The following THSD7B variants were observed in gnomAD, a reference collection of about 807,000 sequenced individuals.
THSD7B encodes thrombospondin type-1 domain-containing protein 7B.
Under a neutral mutation model 213.6 loss-of-function variants are expected in THSD7B, and 138 were observed. That is an observed-to-expected ratio of 0.65 (90% CI 0.56 to 0.74). The LOEUF is 0.74. Among genes scored for constraint, THSD7B ranks in the 30% least tolerant of loss-of-function variants. THSD7B has a pLI of 0.00. For missense variants in THSD7B, 1,931 were observed against 1,991.5 expected (o/e 0.97, Z 0.58); for synonymous variants, 742 against 687.0 (o/e 1.08, Z -1.25).
intron 3 of THSD7B, among the ~76,000 whole-genome samples, chr2:137,060,741 A>C (rs543991685): frequency 6.6e-6 from 1 of 151,900 alleles, no homozygotes; most frequent in Non-Finnish European, 1.5e-5. Flanking sequence ...TTAGTAACAC[A>C]ATGTTTTGAG....
chr2:136,925,887 CTA>C (rs1684514045), intron 2 of THSD7B, among the ~76,000 whole-genome samples: 1 of 152,082 alleles, frequency 6.6e-6, no homozygotes, highest in Non-Finnish European at 1.5e-5. Context: ...GACATAATTT[CTA>C]TGTTTCTCTT....
chr2:137,210,553 C>T (rs10169117), intron 7 of THSD7B, among the ~76,000 whole-genome samples: 90,708 of 151,846 alleles, frequency 0.6, 27,504 homozygotes, highest in South Asian at 0.71. Context: ...CATTCAAGGA[C>T]AAATCTCTTT....
intron 7 of THSD7B, among the ~76,000 whole-genome samples, chr2:137,199,486 G>C (rs1434816193): frequency 6.6e-6 from 1 of 152,068 alleles, no homozygotes; most frequent in African/African-American, 2.4e-5. Flanking sequence ...GATTCACTTA[G>C]TTATTTACAC....
At chr2:137,365,357 A>T (rs940131943) in intron 12 of THSD7B, among the ~76,000 whole-genome samples, 16 of 152,222 alleles carry the variant, frequency 1.1e-4, no homozygotes, top group African/African-American at 3.9e-4. Context: ...CAAAACACCA[A>T]AAGCAATGGC....
chr2:137,468,938 T>C (rs1688043398), intron 15 of THSD7B, among the ~76,000 whole-genome samples: 1 of 152,190 alleles, frequency 6.6e-6, no homozygotes, highest in Admixed American at 6.6e-5. Context: ...TGGACCTTTT[T>C]ATTGACTACT....
intron 7 of THSD7B, among the ~76,000 whole-genome samples, chr2:137,222,361 T>A (rs757484276): frequency 1.5e-4 from 23 of 152,210 alleles, no homozygotes; most frequent in Non-Finnish European, 8.8e-5. Flanking sequence ...TTCTGTCCAT[T>A]ATAATGCACT....
chr2:137,257,153 A>G (rs1193595409), intron 10 of THSD7B, among the ~76,000 whole-genome samples: 1 of 152,218 alleles, frequency 6.6e-6, no homozygotes, highest in East Asian at 1.9e-4. Context: ...CACTTCTGCC[A>G]CATAGGGGAT....
At chr2:137,124,069 C>A (rs1303772576) in intron 5 of THSD7B, among the ~76,000 whole-genome samples, 1 of 152,192 alleles carries the variant, frequency 6.6e-6, no homozygotes, top group Non-Finnish European at 1.5e-5. Flanking sequence ...CAGTTGTTCG[C>A]ATACACCTGC....
At chr2:137,203,228 T>C (rs1018479247) in intron 7 of THSD7B, among the ~76,000 whole-genome samples, 11 of 152,154 alleles carry the variant, frequency 7.2e-5, no homozygotes, top group Non-Finnish European at 1.3e-4. Flanking sequence ...TTCCTAGTTT[T>C]ATTCCCTGGT....
At chr2:136,876,106 T>C (rs1683523170) in intron 1 of THSD7B, among the ~76,000 whole-genome samples, 1 of 152,176 alleles carries the variant, frequency 6.6e-6, no homozygotes, top group Admixed American at 6.5e-5. Context: ...TTTTGTTTCA[T>C]GAAAAAAAGT....
chr2:136,944,412 G>A (rs950667663), intron 2 of THSD7B, among the ~76,000 whole-genome samples: 3 of 152,158 alleles, frequency 2.0e-5, no homozygotes, highest in African/African-American at 7.2e-5. Context: ...TTGGTGCAGA[G>A]CTGAGTTCAA....
intron 2 of THSD7B, among the ~76,000 whole-genome samples, chr2:136,900,925 A>G (rs1684052461): frequency 1.3e-5 from 2 of 152,202 alleles, no homozygotes; most frequent in South Asian, 4.1e-4. Flanking sequence ...AACAAAATGT[A>G]TCTACCCCCC....
chr2:137,323,514 A>G (rs187162133), intron 12 of THSD7B, among the ~76,000 whole-genome samples: 71 of 152,256 alleles, frequency 4.7e-4, no homozygotes, highest in African/African-American at 1.6e-3. Flanking sequence ...TTATGTGTCT[A>G]CTCTTCACTA....
chr2:137,650,729 A>G (rs1683122820), intron 21 of THSD7B, among the ~76,000 whole-genome samples: 1 of 152,170 alleles, frequency 6.6e-6, no homozygotes. Flanking sequence ...TGTCATATGA[A>G]ATCTTTACTA....
intron 15 of THSD7B, among the ~76,000 whole-genome samples, chr2:137,461,754 T>G (rs148325701): frequency 3.8e-4 from 58 of 152,236 alleles, no homozygotes; most frequent in African/African-American, 1.4e-3. Flanking sequence ...CAATAACACT[T>G]TTCTGAGCCA....
At position 137,359,842 on chromosome 2, in the gene THSD7B, C is replaced by T. The variant is rs182025219; in HGVS notation, c.2501-45771C>T. Among the ~76,000 whole-genome samples the T allele has an allele frequency of 2.5e-3, 382 of 152,216 alleles. 1 individual carries two copies. Among genetic ancestry groups the T allele is most frequent in the African/African-American group, 8.4e-3 (349 of 41,520 alleles). ...TTATCTTGCTGTTCTTCCCACAGTC[C>T]GCCAACCCCACATTCACAAACACAT... On this transcript the variant is annotated intron_variant, in intron 12 of 27. Coordinates refer to ENST00000409968, the MANE Select transcript of THSD7B (RefSeq NM_001316349.2).
chr2:137,653,824 G>A (rs937843291), intron 21 of THSD7B, among the ~76,000 whole-genome samples: 6 of 151,830 alleles, frequency 4.0e-5, no homozygotes, highest in African/African-American at 1.5e-4. Flanking sequence ...TAGATTTTCT[G>A]TGTTATCTTG....
At chr2:137,233,174 C>T in intron 9 of THSD7B, 41 bp downstream of exon 9, 1 of 1,539,580 alleles carries the variant, frequency 6.5e-7, no homozygotes, top group Non-Finnish European at 8.9e-7. Flanking sequence ...TTGCTTATTT[C>T]ATGTTGAGTA....
intron 2 of THSD7B, among the ~76,000 whole-genome samples, chr2:136,915,066 C>G (rs1395309790): frequency 1.3e-5 from 2 of 152,066 alleles, no homozygotes; most frequent in Non-Finnish European, 2.9e-5. Flanking sequence ...TCTGGGTTAT[C>G]TTCGATGGGA....
Sources: allele counts gnomAD v4.1 joint callset (sites outside exome capture counted in the v4.1 genomes callset), GRCh38; gene constraint gnomAD v4.1.1; transcripts MANE v1.5; gene names NCBI Gene and HGNC (gene_info 2026-07-23, HGNC 2026-07-21).